The following ATF7IP variants were observed in gnomAD, a reference collection of about 807,000 sequenced individuals.
ATF7IP encodes activating transcription factor 7-interacting protein 1.
ATF7IP carries 23 observed loss-of-function variants against 106.4 expected under a neutral mutation model. The ratio of observed to expected loss-of-function variants is 0.22; its 90% CI spans 0.16 to 0.31. The LOEUF (loss-of-function observed/expected upper bound fraction) is 0.31, where lower values mean the gene tolerates loss of function less well. ATF7IP is among the 10% of genes least tolerant of loss of function. The pLI is 1.00. For synonymous variants in ATF7IP, 542 were observed against 539.0 expected (o/e 1.01, Z -0.08); for missense variants, 1,334 against 1,524.3 (o/e 0.88, Z 2.08).
intron 6 of ATF7IP, among the ~76,000 whole-genome samples, chr12:14,455,851 C>T (rs972661915): frequency 2.6e-5 from 4 of 152,088 alleles, no homozygotes; most frequent in Non-Finnish European, 5.9e-5. Flanking sequence ...AGCCTCCCAA[C>T]GTGCTAGTAT....
At chr12:14,488,258 A>G (rs1276733496) in intron 13 of ATF7IP, among the ~76,000 whole-genome samples, 5 of 152,098 alleles carry the variant, frequency 3.3e-5, no homozygotes, top group Admixed American at 6.6e-5. Context: ...ATATATATCT[A>G]TAGTATAAAG....
chr12:14,425,558 AT>A (rs1941798970), intron 2 of ATF7IP, 85 bp downstream of exon 2: 2 of 1,342,540 alleles, frequency 1.5e-6, no homozygotes, highest in Non-Finnish European at 9.9e-7. Flanking sequence ...TTTTAAATTT[AT>A]TTTAGCTGCA....
rs377417366 is a variant in ATF7IP, at chr12:14,501,814, A to T, written c.*3741A>T. 6.6e-6 allele frequency: 1 copy of T among 152,196 alleles called. No homozygotes were observed. Among genetic ancestry groups the T allele is most frequent in the South Asian group, 2.1e-4 (1 of 4,830 alleles). The allele number at this position is 152,196 out of a possible 1,614,324, so 9.4% of individuals were successfully genotyped here. A position where few individuals can be genotyped will look rare whatever the true frequency, so the allele number is the denominator to read the frequency against. On this transcript the variant is annotated 3_prime_UTR_variant, in exon 15 of 15. Coordinates refer to ENST00000261168, the MANE Select transcript of ATF7IP (RefSeq NM_018179.5). ...CTGTATCTTACAATTCCCTTACTGC[A>T]CTGGGTAAGTGTTAACTTAGTTTTT...
At chr12:14,495,290 A>G (rs1944979886) in intron 13 of ATF7IP, among the ~76,000 whole-genome samples, 1 of 152,220 alleles carries the variant, frequency 6.6e-6, no homozygotes, top group African/African-American at 2.4e-5. Context: ...GTTGACACTC[A>G]GTATTAACCA....
At chr12:14,375,013 A>G (rs1384614429) in intron 1 of ATF7IP, among the ~76,000 whole-genome samples, 1 of 152,110 alleles carries the variant, frequency 6.6e-6, no homozygotes, top group Non-Finnish European at 1.5e-5. Context: ...CTAATAAGGT[A>G]TGATAAGACC....
At chr12:14,466,052 A>G (rs1166063066) in intron 9 of ATF7IP, 2 of 152,862 alleles carry the variant, frequency 1.3e-5, no homozygotes, top group Non-Finnish European at 2.9e-5. Context: ...TAGTTGAAAA[A>G]TGAACAAAGA....
chr12:14,423,885 C>G lies in ATF7IP; in HGVS notation c.-7-24C>G, dbSNP rs748521320. On this transcript the variant is annotated intron_variant, in intron 1 of 14. Transcript: ENST00000261168. ...GGTGGCTTCTGTTTCAGTTATTAAACTCTCTTTCTCTTTTTTCTTAAAGAT... is the reference window on the plus strand; with the variant it reads ...GGTGGCTTCTGTTTCAGTTATTAAAGTCTCTTTCTCTTTTTTCTTAAAGAT... 12 of 1,543,394 alleles carry G rather than the reference C, an allele frequency of 7.8e-6. No individual in the cohort carries two copies. The Admixed American group carries it at 2.4e-4, about 31-fold the overall frequency.
intron 9 of ATF7IP, among the ~76,000 whole-genome samples, chr12:14,465,531 A>G (rs1204996708): frequency 1.3e-5 from 2 of 151,560 alleles, no homozygotes; most frequent in Admixed American, 6.6e-5. Context: ...ATTTGAATAT[A>G]TTTTTAAATA....
chr12:14,389,788 C>T (rs1358296018), intron 1 of ATF7IP, among the ~76,000 whole-genome samples: 3 of 152,056 alleles, frequency 2.0e-5, no homozygotes, highest in African/African-American at 4.8e-5. Context: ...CCACCACGCC[C>T]GGCTAATTTT....
intron 6 of ATF7IP, among the ~76,000 whole-genome samples, chr12:14,449,533 T>C (rs2136675048): frequency 6.6e-6 from 1 of 152,020 alleles, no homozygotes; most frequent in African/African-American, 2.4e-5. Flanking sequence ...TTTTCGATTA[T>C]TGTAGCTTTG....
At chr12:14,402,222 G>T (rs1240488158) in intron 1 of ATF7IP, among the ~76,000 whole-genome samples, 1 of 150,246 alleles carries the variant, frequency 6.7e-6, no homozygotes, top group Non-Finnish European at 1.5e-5. Context: ...TAACTTCTGG[G>T]GCTCAAGTGA....
At chr12:14,384,534 T>G (rs547355418) in intron 1 of ATF7IP, among the ~76,000 whole-genome samples, 2 of 152,200 alleles carry the variant, frequency 1.3e-5, no homozygotes, top group Non-Finnish European at 2.9e-5. Flanking sequence ...GGGCATGAAA[T>G]GTAATTTGCC....
chr12:14,421,167 C>T (rs1208174318), intron 1 of ATF7IP, among the ~76,000 whole-genome samples: 1 of 152,076 alleles, frequency 6.6e-6, no homozygotes, highest in Admixed American at 6.5e-5. Flanking sequence ...TGGTAGATAA[C>T]CTTTATCAGA....
At chr12:14,485,987 A>G (rs1356489284) in intron 13 of ATF7IP, among the ~76,000 whole-genome samples, 2 of 152,158 alleles carry the variant, frequency 1.3e-5, no homozygotes, top group Non-Finnish European at 2.9e-5. Flanking sequence ...TATGGGATAT[A>G]GTTTTTGATT....
chr12:14,411,097 C>T lies in ATF7IP; in HGVS notation c.-7-12812C>T, dbSNP rs144414212. On this transcript the variant is annotated intron_variant, in intron 1 of 14. Transcript: ENST00000261168. ...AGTGCTTCTATAAAGCATTTGTGTA[C>T]AAGTTTTTGTGTGGACATATGTTTT... Among the ~76,000 whole-genome samples the T allele has an allele frequency of 5.0e-3, 757 of 152,164 alleles. 9 individuals are homozygous for T. Among genetic ancestry groups the T allele is most frequent in the Middle Eastern group, 0.01 (3 of 294 alleles).
At chr12:14,404,893 A>G (rs940811803) in intron 1 of ATF7IP, among the ~76,000 whole-genome samples, 6 of 152,086 alleles carry the variant, frequency 3.9e-5, no homozygotes, top group African/African-American at 1.2e-4. Flanking sequence ...TTTGGTCAGA[A>G]CTCTACAGAT....
chr12:14,384,872 T>A (rs77831078), intron 1 of ATF7IP, among the ~76,000 whole-genome samples: 3 of 135,532 alleles, frequency 2.2e-5, no homozygotes, highest in Non-Finnish European at 3.1e-5. Context: ...CTATAAAAGG[T>A]AAAAAAAAAA....
chr12:14,466,394 A>C (rs1301703983), intron 9 of ATF7IP, 132 bp from the exon 10 acceptor site: 1 of 703,392 alleles, frequency 1.4e-6, no homozygotes, highest in Admixed American at 2.8e-5. Flanking sequence ...TGTGAATTTG[A>C]GTTTTTATTT....
In ATF7IP at chr12:14,497,683, C is replaced by T; in HGVS notation, c.3423C>T (p.Pro1141=). 1.9e-6 allele frequency: 3 copies of T among 1,614,114 alleles called. No homozygotes were observed. Among genetic ancestry groups the T allele is most frequent in the South Asian group, 1.1e-5 (1 of 91,084 alleles). Residue 1141 remains proline, a synonymous_variant, in exon 15 of 15, where the codon CCC becomes CCT. Coordinates refer to ENST00000261168, the MANE Select transcript of ATF7IP (RefSeq NM_018179.5). Reference sequence around the variant, plus strand: ...CCCCACGCCCCGTGCACCCAGCACCCTTACCAGAAGCTCCACAACCACAGC... The same window carrying T: ...CCCCACGCCCCGTGCACCCAGCACCTTTACCAGAAGCTCCACAACCACAGC... ...TEPPRPVHPA[P]LPEAPQPQRL...
Sources: allele counts gnomAD v4.1 joint callset (sites outside exome capture counted in the v4.1 genomes callset), GRCh38; gene constraint gnomAD v4.1.1; transcripts MANE v1.5; gene names NCBI Gene and HGNC (gene_info 2026-07-23, HGNC 2026-07-21).